TANGO6: variants seen among roughly 807,000 people sequenced by gnomAD.
TANGO6 encodes the protein transport and golgi organization 6 homolog, also known as transport and Golgi organization protein 6 homolog.
TANGO6 carries 90 observed loss-of-function variants against 114.2 expected under a neutral mutation model. The ratio of observed to expected loss-of-function variants is 0.79; its 90% confidence interval spans 0.66 to 0.94. The LOEUF is 0.94. Ranked by LOEUF, TANGO6 falls within the 40% of genes least tolerant of loss-of-function variation. The pLI is 0.00. For synonymous variants in TANGO6, 477 were observed against 509.8 expected (o/e 0.94, Z 0.87); for missense variants, 1,274 against 1,315.3 (o/e 0.97, Z 0.49).
chr16:68,860,382 G>C lies in TANGO6; in HGVS notation c.593G>C (p.Ser198Thr). 1 of 1,614,034 alleles carries C rather than the reference G, an allele frequency of 6.2e-7. No individual in the cohort carries two copies. The highest frequency in any genetic ancestry group is 8.5e-7 in the Non-Finnish European group (1 of 1,179,900). ...APDATRRLYT[S>T]CKALLNVAQH... is the part of the protein sequence containing the mutation. The stretch of plus-strand genomic sequence containing the variant: ...GATGCAACTCGAAGACTGTACACCA[G>C]CTGCAAGGCCCTTCTGAATGTTGCT... Residue 198 changes from serine (S) to threonine (T), a missense_variant, in exon 2 of 18, where the codon AGC (serine) becomes ACC (threonine). Physicochemically the swap from Ser to Thr is moderately conservative, Grantham distance 58. Around this residue, in one of 5 missense-constraint regions of TANGO6, gnomAD observed 908 missense variants for 910.2 expected, o/e 1.00. Coordinates refer to ENST00000261778, the MANE Select transcript of TANGO6 (RefSeq NM_024562.2).
At chr16:69,075,677 C>T (rs1048395319) in intron 17 of TANGO6, among the ~76,000 whole-genome samples, 24 of 151,852 alleles carry the variant, frequency 1.6e-4, no homozygotes, top group Admixed American at 2.6e-4. Context: ...TGCTCTTGAA[C>T]TCCTGGGGTC....
chr16:68,980,654 G>A (rs775024853), intron 15 of TANGO6, among the ~76,000 whole-genome samples: 30 of 151,312 alleles, frequency 2.0e-4, no homozygotes, highest in South Asian at 1.0e-3. Flanking sequence ...CTTTAGGTGC[G>A]TGCCACCACA....
At chr16:69,050,668 T>G (rs1223951069) in intron 17 of TANGO6, among the ~76,000 whole-genome samples, 1 of 152,092 alleles carries the variant, frequency 6.6e-6, no homozygotes, top group African/African-American at 2.4e-5. Context: ...TTTTGTATTT[T>G]TAGTAGAGAC....
chr16:68,853,529 G>GAAACA (rs1961938460), intron 1 of TANGO6, among the ~76,000 whole-genome samples: 2 of 152,064 alleles, frequency 1.3e-5, no homozygotes, highest in Admixed American at 1.3e-4. Flanking sequence ...ATATAAACAA[G>GAAACA]AAACATCTTT....
intron 1 of TANGO6, among the ~76,000 whole-genome samples, chr16:68,854,641 T>G (rs1961957086): frequency 6.6e-6 from 1 of 151,150 alleles, no homozygotes; most frequent in Non-Finnish European, 1.5e-5. Flanking sequence ...TTTTTCCCCA[T>G]GTGGATATCC....
At chr16:68,909,985 C>T (rs892761509) in intron 11 of TANGO6, among the ~76,000 whole-genome samples, 6 of 152,114 alleles carry the variant, frequency 3.9e-5, no homozygotes, top group Admixed American at 1.3e-4. Flanking sequence ...TATCACTATG[C>T]GAGTCAGTGT....
intron 3 of TANGO6, among the ~76,000 whole-genome samples, chr16:68,865,134 G>A (rs946031694): frequency 2.6e-5 from 4 of 152,128 alleles, no homozygotes; most frequent in South Asian, 2.1e-4. Context: ...AAAATTAGCC[G>A]GGCGTGGTGG....
intron 16 of TANGO6, among the ~76,000 whole-genome samples, chr16:69,027,984 CA>C (rs979228816): frequency 3.4e-4 from 52 of 151,922 alleles, no homozygotes; most frequent in African/African-American, 1.2e-3. Context: ...TTTTTTGAGA[CA>C]GAGTCTCACT....
At chr16:69,026,893 C>T (rs987252532) in intron 16 of TANGO6, among the ~76,000 whole-genome samples, 2 of 152,020 alleles carry the variant, frequency 1.3e-5, no homozygotes, top group African/African-American at 4.8e-5. Flanking sequence ...GATGGAGTCT[C>T]GCTTTGTTCC....
rs537391726 is a variant in TANGO6 at position 68,977,874 on chromosome 16, C to T, written c.2842+3706C>T. On this transcript the variant is annotated intron_variant, in intron 15 of 17. Transcript: ENST00000261778. ...CTAATTTTTGTATTTTTAGTAGAGA[C>T]AGGGTTTCACCATGTTGGACAGGCC... Among the ~76,000 whole-genome samples, 679 of 151,936 alleles carry T rather than the reference C, an allele frequency of 4.5e-3. 6 individuals are homozygous for T. Among genetic ancestry groups the T allele is most frequent in the African/African-American group, 0.015 (642 of 41,484 alleles).
chr16:68,873,948 A>C (rs1962316825), intron 4 of TANGO6, among the ~76,000 whole-genome samples: 1 of 152,206 alleles, frequency 6.6e-6, no homozygotes, highest in African/African-American at 2.4e-5. Flanking sequence ...GATTGTACTA[A>C]GATAATAGAC....
At chr16:68,908,664 T>C (rs1006560609) in intron 10 of TANGO6, among the ~76,000 whole-genome samples, 1 of 152,130 alleles carries the variant, frequency 6.6e-6, no homozygotes, top group Non-Finnish European at 1.5e-5. Context: ...AAACCCACAG[T>C]AATACATGAT....
intron 17 of TANGO6, among the ~76,000 whole-genome samples, chr16:69,063,392 G>A (rs1175445267): frequency 1.3e-5 from 2 of 151,994 alleles, no homozygotes; most frequent in Admixed American, 6.6e-5. Flanking sequence ...GGGCGTGATG[G>A]CAGGCGCCTG....
At chr16:68,904,031 A>G (rs1962817942) in intron 9 of TANGO6, among the ~76,000 whole-genome samples, 1 of 152,120 alleles carries the variant, frequency 6.6e-6, no homozygotes, top group Non-Finnish European at 1.5e-5. Flanking sequence ...ATTGTTTGGA[A>G]TTTACTCTTT....
At chr16:68,865,750 A>C (rs1405899757) in intron 3 of TANGO6, among the ~76,000 whole-genome samples, 5 of 141,610 alleles carry the variant, frequency 3.5e-5, no homozygotes, top group African/African-American at 5.9e-5. Flanking sequence ...TCTACTAAAA[A>C]TACAAAAAAA....
intron 1 of TANGO6, among the ~76,000 whole-genome samples, chr16:68,856,904 T>C (rs1355806959): frequency 6.6e-6 from 1 of 152,134 alleles, no homozygotes; most frequent in Non-Finnish European, 1.5e-5. Flanking sequence ...GGTCAGGAGA[T>C]CGAGACCGTC....
intron 17 of TANGO6, among the ~76,000 whole-genome samples, chr16:69,077,482 G>C (rs1960398477): frequency 6.6e-6 from 1 of 152,014 alleles, no homozygotes; most frequent in African/African-American, 2.4e-5. Context: ...TTTTAGGTAT[G>C]AGCAATGTAC....
At chr16:68,935,495 A>C (rs1424040156) in intron 14 of TANGO6, among the ~76,000 whole-genome samples, 1 of 152,174 alleles carries the variant, frequency 6.6e-6, no homozygotes, top group Admixed American at 6.5e-5. Context: ...TATCACAGCA[A>C]TCTGAGAACT....
intron 17 of TANGO6, among the ~76,000 whole-genome samples, chr16:69,071,778 C>T (rs960654813): frequency 2.6e-5 from 4 of 152,164 alleles, no homozygotes; most frequent in South Asian, 4.1e-4. Context: ...ACAACCACTC[C>T]GCAAATGTTC....
Sources: gnomAD v4.1 joint callset for allele counts (sites outside exome capture counted in the v4.1 genomes callset) on GRCh38, gnomAD v4.1.1 for gene constraint, gnomAD v4.1.1 regional missense constraint, MANE v1.5 for transcripts, NCBI Gene and HGNC (gene_info 2026-07-23, HGNC 2026-07-21) for gene names.